ESR1: variants seen among roughly 807,000 people sequenced by gnomAD.
ESR1 encodes the protein estrogen receptor 1.
Under a neutral mutation model 52.7 loss-of-function variants are expected in ESR1, and 12 were observed. The ratio of observed to expected loss-of-function variants is 0.23; its 90% CI spans 0.15 to 0.37. The LOEUF (loss-of-function observed/expected upper bound fraction) is 0.37, where lower values mean the gene tolerates loss of function less well. Ranked by LOEUF, ESR1 falls within the 10% of genes least tolerant of loss-of-function variation. The pLI is 1.00. For synonymous variants in ESR1, 305 were observed against 316.8 expected (o/e 0.96, Z 0.39); for missense variants, 584 against 779.7 (o/e 0.75, Z 2.99).
At position 151,808,150 on chromosome 6, in the gene ESR1, T is replaced by G. The variant is rs750873681; in HGVS notation, c.238T>G (p.Tyr80Asp). The change falls in exon 1 of 8, where the codon TAC (tyrosine) becomes GAC (aspartate). Residue 80 changes from tyrosine (Y) to aspartate (D), a missense_variant. This residue lies in a region of ESR1 where 251 missense variants were observed against 246.1 expected (regional missense o/e 1.02). Coordinates refer to ENST00000206249, the MANE Select transcript of ESR1 (RefSeq NM_000125.4). Reference sequence around the variant, plus strand: ...GGTCTACGGTCAGACCGGCCTCCCCTACGGCCCCGGGTCTGAGGCTGCGGC... The same window carrying G: ...GGTCTACGGTCAGACCGGCCTCCCCGACGGCCCCGGGTCTGAGGCTGCGGC... ...AQVYGQTGLP[Y>D]GPGSEAAAFG... The G allele has an allele frequency of 1.0e-5, 16 of 1,599,630 alleles. No homozygotes were observed. Among genetic ancestry groups the G allele is most frequent in the Non-Finnish European group, 1.3e-5 (15 of 1,173,734 alleles).
chr6:151,932,337 T>TAGATTCTGGATATTAGCCCTTTG (rs2033754252), intron 3 of ESR1, among the ~76,000 whole-genome samples: 1 of 139,612 alleles, frequency 7.2e-6, no homozygotes, highest in Non-Finnish European at 1.5e-5. Flanking sequence ...GAGTTCATTG[T>TAGATTCTGGATATTAGCCCTTTG]AGATTCTGGA....
intron 4 of ESR1, among the ~76,000 whole-genome samples, chr6:152,008,099 C>A (rs1434233924): frequency 6.6e-6 from 1 of 152,004 alleles, no homozygotes; most frequent in African/African-American, 2.4e-5. Flanking sequence ...GATATTTATT[C>A]CACGCTGAAA....
chr6:151,922,007 T>G (rs2128464301), intron 3 of ESR1, among the ~76,000 whole-genome samples: 1 of 152,262 alleles, frequency 6.6e-6, no homozygotes, highest in Non-Finnish European at 1.5e-5. Flanking sequence ...TCATGAAATC[T>G]TTGCCTGTGC....
At chr6:152,111,033 A>G (rs1184900998) in intron 6 of ESR1, among the ~76,000 whole-genome samples, 1 of 151,946 alleles carries the variant, frequency 6.6e-6, no homozygotes, top group African/African-American at 2.4e-5. Context: ...CTAGCCGATG[A>G]CCTGAGACCT....
At chr6:151,892,043 C>T (rs559608979) in intron 3 of ESR1, among the ~76,000 whole-genome samples, 1 of 151,636 alleles carries the variant, frequency 6.6e-6, no homozygotes, top group Non-Finnish European at 1.5e-5. Flanking sequence ...TTTAAAATGC[C>T]CATTCTGGTA....
At chr6:151,751,173 A>C (rs1214211775) in intron 2 of ESR1, among the ~76,000 whole-genome samples, 1 of 152,188 alleles carries the variant, frequency 6.6e-6, no homozygotes, top group African/African-American at 2.4e-5. Context: ...AATGGGTGAT[A>C]TTAACTTCTT....
chr6:151,898,954 C>T (rs2128396121), intron 3 of ESR1, among the ~76,000 whole-genome samples: 2 of 152,140 alleles, frequency 1.3e-5, no homozygotes, highest in Middle Eastern at 3.4e-3. Flanking sequence ...CAGAGCGGCT[C>T]CTCACTTCCC....
intron 2 of ESR1, among the ~76,000 whole-genome samples, chr6:151,781,414 G>C (rs928636332): frequency 6.6e-6 from 1 of 152,214 alleles, no homozygotes; most frequent in East Asian, 1.9e-4. Context: ...AGGCCTCATG[G>C]CCTAATCATT....
chr6:151,811,745 A>G (rs1195184378), intron 1 of ESR1, among the ~76,000 whole-genome samples: 1 of 152,106 alleles, frequency 6.6e-6, no homozygotes, highest in Non-Finnish European at 1.5e-5. Context: ...ATTAATTTAA[A>G]TTGTTACTGA....
intron 1 of ESR1, among the ~76,000 whole-genome samples, chr6:151,674,539 T>C (rs550250418): frequency 6.6e-5 from 10 of 152,372 alleles, no homozygotes; most frequent in South Asian, 6.2e-4. Flanking sequence ...TTTTAGTATA[T>C]ACCCAGTAAT....
chr6:152,046,942 A>G (rs889440109), intron 5 of ESR1, among the ~76,000 whole-genome samples: 18 of 152,212 alleles, frequency 1.2e-4, no homozygotes, highest in Non-Finnish European at 2.2e-4. Context: ...CTGGATTTCA[A>G]AACTAGAACA....
intron 2 of ESR1, among the ~76,000 whole-genome samples, chr6:151,716,530 C>T (rs1781050090): frequency 6.6e-6 from 1 of 152,198 alleles, no homozygotes; most frequent in South Asian, 2.1e-4. Context: ...ATGCCCTTCC[C>T]AGAGAGCAGG....
intron 5 of ESR1, among the ~76,000 whole-genome samples, chr6:152,042,230 C>T (rs1442330140): frequency 6.6e-6 from 1 of 152,162 alleles, no homozygotes; most frequent in East Asian, 1.9e-4. Flanking sequence ...GGGGGTTCTG[C>T]CAGCTGCTAA....
At chr6:151,871,283 A>G (rs1170356812) in intron 2 of ESR1, among the ~76,000 whole-genome samples, 2 of 152,160 alleles carry the variant, frequency 1.3e-5, no homozygotes, top group Admixed American at 6.5e-5. Flanking sequence ...GATATACATA[A>G]TATGAAATTT....
intron 1 of ESR1, among the ~76,000 whole-genome samples, chr6:151,694,241 G>C (rs1030069281): frequency 3.3e-5 from 5 of 152,150 alleles, no homozygotes; most frequent in Non-Finnish European, 7.3e-5. Context: ...TAATTCCAAA[G>C]CTCATGCTTT....
intron 3 of ESR1, among the ~76,000 whole-genome samples, chr6:151,911,650 G>A (rs892013476): frequency 1.3e-5 from 2 of 152,210 alleles, no homozygotes; most frequent in Non-Finnish European, 2.9e-5. Flanking sequence ...GATGTAAAAT[G>A]AATACAGTGC....
intron 2 of ESR1, among the ~76,000 whole-genome samples, chr6:151,773,703 A>T (rs9397446): frequency 1.2e-3 from 176 of 152,118 alleles, no homozygotes; most frequent in Non-Finnish European, 2.1e-3. Context: ...AGGAATCCTG[A>T]CATCTTCTCT....
chr6:151,735,956 C>G (rs1330952866), intron 2 of ESR1, among the ~76,000 whole-genome samples: 1 of 152,174 alleles, frequency 6.6e-6, no homozygotes, highest in African/African-American at 2.4e-5. Context: ...CGCTGTCACT[C>G]TCACCTGCCG....
At chr6:151,849,643 C>CA (rs34495255) in intron 2 of ESR1, among the ~76,000 whole-genome samples, 4,827 of 132,298 alleles carry the variant, frequency 0.036, 182 homozygotes, top group East Asian at 0.18. Context: ...GACTTCATCT[C>CA]AAAAAAAAAA....
Sources: allele counts gnomAD v4.1 joint callset (sites outside exome capture counted in the v4.1 genomes callset), GRCh38; gene constraint gnomAD v4.1.1; regional missense constraint gnomAD v4.1.1; transcripts MANE v1.5; gene names NCBI Gene and HGNC (gene_info 2026-07-23, HGNC 2026-07-21).